The following GALNT7 variants were observed in gnomAD, a reference collection of about 807,000 sequenced individuals.
The protein encoded by GALNT7 is polypeptide N-acetylgalactosaminyltransferase 7.
A neutral mutation model predicts 82.1 loss-of-function variants in GALNT7; 60 were observed. The observed-to-expected ratio is 0.73, with a 90% confidence interval of 0.59 to 0.91. The LOEUF is 0.91. Ranked by LOEUF, GALNT7 falls within the 40% of genes least tolerant of loss-of-function variation. GALNT7 has a pLI of 0.00. For synonymous variants in GALNT7, 243 were observed against 275.1 expected, an observed-to-expected ratio of 0.88 and a Z score of 1.15; for missense variants, 660 against 804.2, an observed-to-expected ratio of 0.82 and a Z score of 2.17.
At chr4:173,276,068 T>C (rs557340257) in intron 2 of GALNT7, among the ~76,000 whole-genome samples, 2 of 152,350 alleles carry the variant, frequency 1.3e-5, no homozygotes, top group African/African-American at 4.8e-5. Context: ...TGAGCATTGA[T>C]TTTGACTTTC....
At chr4:173,296,554 A>G (rs1194341381) in intron 5 of GALNT7, among the ~76,000 whole-genome samples, 1 of 152,208 alleles carries the variant, frequency 6.6e-6, no homozygotes, top group Non-Finnish European at 1.5e-5. Flanking sequence ...TGTCTGATTT[A>G]ATCCTCACAG....
intron 5 of GALNT7, among the ~76,000 whole-genome samples, chr4:173,297,203 A>AT (rs1302932592): frequency 9.0e-5 from 13 of 143,952 alleles, no homozygotes; most frequent in South Asian, 2.2e-4. Flanking sequence ...GTTTTGAGGG[A>AT]TTTTTTTTGC....
At chr4:173,218,294 T>C (rs1733535030) in intron 1 of GALNT7, among the ~76,000 whole-genome samples, 1 of 152,172 alleles carries the variant, frequency 6.6e-6, no homozygotes, top group South Asian at 2.1e-4. Flanking sequence ...TTAGAAAAGA[T>C]TGCTGGAATT....
intron 1 of GALNT7, among the ~76,000 whole-genome samples, chr4:173,229,099 G>A (rs747306031): frequency 1.3e-4 from 20 of 152,224 alleles, no homozygotes; most frequent in African/African-American, 3.1e-4. Flanking sequence ...TAGCAAGCAC[G>A]GTAGCTCAGT....
At chr4:173,216,728 T>TATATATA (rs374031950) in intron 1 of GALNT7, among the ~76,000 whole-genome samples, 6 of 8,058 alleles carry the variant, frequency 7.4e-4, no homozygotes, top group African/African-American at 1.9e-3. Context: ...TATATATATA[T>TATATATA]TTTTTTTTTT....
At chr4:173,287,144 A>G (rs1353514361) in intron 2 of GALNT7, among the ~76,000 whole-genome samples, 1 of 152,236 alleles carries the variant, frequency 6.6e-6, no homozygotes, top group Non-Finnish European at 1.5e-5. Flanking sequence ...AAAAGGTTTA[A>G]AGATTTTTAT....
intron 1 of GALNT7, among the ~76,000 whole-genome samples, chr4:173,234,616 A>T (rs1210512128): frequency 6.6e-6 from 1 of 152,138 alleles, no homozygotes; most frequent in East Asian, 1.9e-4. Flanking sequence ...TTACTTCGTA[A>T]TTACTATAAT....
intron 2 of GALNT7, among the ~76,000 whole-genome samples, chr4:173,265,587 A>ATCTC (rs59676800): frequency 0.016 from 1,856 of 117,968 alleles, 40 homozygotes; most frequent in African/African-American, 0.046. Flanking sequence ...TGGCGTAAGC[A>ATCTC]TCTCTCTCTC....
intron 1 of GALNT7, among the ~76,000 whole-genome samples, chr4:173,224,787 C>A (rs1056943916): frequency 6.6e-6 from 1 of 151,372 alleles, no homozygotes. Flanking sequence ...CCGAGGCGGG[C>A]GGATCACGAG....
intron 1 of GALNT7, among the ~76,000 whole-genome samples, chr4:173,219,783 G>A (rs1733586489): frequency 1.3e-5 from 2 of 151,792 alleles, no homozygotes; most frequent in Admixed American, 1.3e-4. Context: ...GGCCATTTGT[G>A]TATCTTCTTT....
chr4:173,175,821 C>A (rs567241260), intron 1 of GALNT7, among the ~76,000 whole-genome samples: 3 of 152,152 alleles, frequency 2.0e-5, no homozygotes, highest in African/African-American at 7.2e-5. Context: ...GCTTGTAATC[C>A]CAGCGCTTTG....
At chr4:173,299,743 G>A (rs191340685) in intron 6 of GALNT7, among the ~76,000 whole-genome samples, 2 of 152,094 alleles carry the variant, frequency 1.3e-5, no homozygotes, top group Non-Finnish European at 2.9e-5. Flanking sequence ...CTACTTGGGA[G>A]GCTGAGGCAG....
intron 1 of GALNT7, among the ~76,000 whole-genome samples, chr4:173,179,463 C>T (rs1162070526): frequency 1.3e-5 from 2 of 152,154 alleles, no homozygotes; most frequent in South Asian, 2.1e-4. Flanking sequence ...AAGACCTTGT[C>T]GCTTATAAAA....
intron 2 of GALNT7, among the ~76,000 whole-genome samples, chr4:173,288,228 A>G (rs1313684464): frequency 7.2e-6 from 1 of 138,864 alleles, no homozygotes; most frequent in Non-Finnish European, 1.5e-5. Flanking sequence ...GCTTGCAGTG[A>G]GCCGAGATCG....
chr4:173,287,165 G>T lies in GALNT7; in HGVS notation c.588-4943G>T, dbSNP rs116673245. The stretch of plus-strand genomic sequence containing the variant: ...TTTAAAGATTTTTATTTAGCTTTTG[G>T]ACTATCATGGAAAGCTTGGAAGAGT... On this transcript the variant is annotated intron_variant, in intron 2 of 11. Coordinates refer to ENST00000265000, the MANE Select transcript of GALNT7 (RefSeq NM_017423.3). Among the ~76,000 whole-genome samples the T allele has an allele frequency of 7.3e-3, 1,115 of 152,260 alleles. 12 individuals are homozygous for T. The highest frequency in any genetic ancestry group is 0.025 in the African/African-American group (1,041 of 41,542).
intron 1 of GALNT7, among the ~76,000 whole-genome samples, chr4:173,220,282 T>C (rs572591705): frequency 1.3e-5 from 2 of 152,316 alleles, no homozygotes; most frequent in Non-Finnish European, 1.5e-5. Context: ...GTTTGCTTTG[T>C]TGAAGATCAG....
intron 2 of GALNT7, among the ~76,000 whole-genome samples, chr4:173,276,723 C>T (rs1735927054): frequency 6.6e-6 from 1 of 152,130 alleles, no homozygotes; most frequent in Admixed American, 6.5e-5. Context: ...AGGCATCAGC[C>T]ATTAAAACAG....
chr4:173,192,176 G>C (rs1237211474), intron 1 of GALNT7, among the ~76,000 whole-genome samples: 1 of 152,060 alleles, frequency 6.6e-6, no homozygotes, highest in Non-Finnish European at 1.5e-5. Flanking sequence ...AGAAATAATT[G>C]TTAAGATGAC....
chr4:173,193,415 C>T (rs901216420), intron 1 of GALNT7, among the ~76,000 whole-genome samples: 3 of 152,164 alleles, frequency 2.0e-5, no homozygotes, highest in African/African-American at 7.2e-5. Context: ...GAGCAGGACC[C>T]TCAAATCACA....
Sources: gnomAD v4.1 joint callset for allele counts (sites outside exome capture counted in the v4.1 genomes callset) on GRCh38, gnomAD v4.1.1 for gene constraint, MANE v1.5 for transcripts, NCBI Gene and HGNC (gene_info 2026-07-23, HGNC 2026-07-21) for gene names.